SPAG6: variants seen among roughly 807,000 people sequenced by gnomAD.
The protein encoded by SPAG6 is sperm associated antigen 6.
Under a neutral mutation model 58.5 loss-of-function variants are expected in SPAG6, and 49 were observed. That is an observed-to-expected ratio of 0.84 (90% confidence interval 0.67 to 1.06). The LOEUF (loss-of-function observed/expected upper bound fraction) is 1.06, where lower values mean the gene tolerates loss of function less well. Ranked by LOEUF, SPAG6 falls within the 50% of genes least tolerant of loss-of-function variation. The pLI is 0.00. For synonymous variants in SPAG6, 233 were observed against 225.6 expected, an observed-to-expected ratio of 1.03 and a Z score of -0.29; for missense variants, 560 against 611.3, an observed-to-expected ratio of 0.92 and a Z score of 0.89.
rs1834534974 is a variant in SPAG6, at chr10:22,405,688, A to T, written c.1314+4411A>T. On this transcript the variant is annotated intron_variant, in intron 9 of 10. Transcript: ENST00000376624. ...GGGAGGATTCCCTCTTTTTCTATTGATTGGAATAGTTTCAGAAGGAATGGT... is the reference window on the plus strand; with the variant it reads ...GGGAGGATTCCCTCTTTTTCTATTGTTTGGAATAGTTTCAGAAGGAATGGT... Among the ~76,000 whole-genome samples the T allele has an allele frequency of 2.0e-5, 3 of 151,740 alleles. No homozygotes were observed. In the South Asian group the frequency reaches 6.2e-4, roughly 32 times the overall value.
At position 22,368,672 on chromosome 10, in the gene SPAG6, A is replaced by G; in HGVS notation, c.466A>G (p.Asn156Asp). Reference protein sequence around the residue: ...AWALRYIARHNAELSQAVVDA... With the variant: ...AWALRYIARHDAELSQAVVDA... ...GGCACTTAGATATATTGCAAGACAT[A>G]ATGCAGGTAATTTAAAATATGCAGG... is the stretch of plus-strand genomic sequence containing the variant. The change falls in exon 4 of 11, where the codon AAT becomes GAT. Residue 156 changes from asparagine (N) to aspartate (D), a missense_variant. Physicochemically the swap from Asn to Asp is conservative, Grantham distance 23. Coordinates refer to ENST00000376624, the MANE Select transcript of SPAG6 (RefSeq NM_012443.4). 1 of 1,607,890 alleles carries G rather than the reference A, an allele frequency of 6.2e-7. No individual in the cohort carries two copies. The highest frequency in any genetic ancestry group is 1.1e-5 in the South Asian group (1 of 90,210).
At chr10:22,360,708 G>A in intron 2 of SPAG6, 4 of 775,372 alleles carry the variant, frequency 5.2e-6, no homozygotes, top group Non-Finnish European at 8.1e-6. Flanking sequence ...CATAGTATAT[G>A]TTGGGTCCTT....
chr10:22,362,634 G>A (rs566066234), intron 2 of SPAG6, among the ~76,000 whole-genome samples: 78 of 152,070 alleles, frequency 5.1e-4, no homozygotes, highest in Non-Finnish European at 1.0e-3. Context: ...GTGAGGCTGA[G>A]TGGGAGGATT....
chr10:22,404,271 C>G, intron 9 of SPAG6, among the ~76,000 whole-genome samples: 1 of 92,896 alleles, frequency 1.1e-5, no homozygotes, highest in Non-Finnish European at 2.2e-5. Context: ...GGTTTTAGGT[C>G]TAATGTTTAA....
In SPAG6 at chr10:22,345,852, G is replaced by T; in HGVS notation, c.121+34G>T. The T allele has an allele frequency of 6.3e-7, 1 of 1,599,068 alleles. No individual in the cohort carries two copies. Among genetic ancestry groups the T allele is most frequent in the Non-Finnish European group, 8.5e-7 (1 of 1,173,122 alleles). The stretch of plus-strand genomic sequence containing the variant: ...GGAGCCCGAACCCCCGTCGCCCCCC[G>T]CGCACTGAGTCCCCGACGCCTCCGC... On this transcript the variant is annotated intron_variant, in intron 2 of 10. Transcript: ENST00000376624. This position sits in a 1 kb window ranked among gnomAD's most constrained non-coding sequence, Gnocchi z 6.3.
intron 9 of SPAG6, among the ~76,000 whole-genome samples, chr10:22,402,659 C>A (rs1564378769): frequency 1.3e-5 from 2 of 152,164 alleles, no homozygotes; most frequent in African/African-American, 4.8e-5. Flanking sequence ...ATAAACTGCC[C>A]CTCTTAGTTA....
intron 2 of SPAG6, among the ~76,000 whole-genome samples, chr10:22,354,667 C>G (rs987490531): frequency 1.3e-5 from 2 of 152,178 alleles, no homozygotes; most frequent in Non-Finnish European, 2.9e-5. Flanking sequence ...GTTCTACATT[C>G]TCACTCAGTT....
intron 5 of SPAG6, 33 bp downstream of exon 5, chr10:22,386,992 C>G: frequency 6.6e-7 from 1 of 1,520,744 alleles, no homozygotes; most frequent in Non-Finnish European, 9.1e-7. Flanking sequence ...AATACATCAG[C>G]CTTCTTATAA....
chr10:22,367,858 A>G (rs1837240805), intron 3 of SPAG6, among the ~76,000 whole-genome samples: 1 of 152,238 alleles, frequency 6.6e-6, no homozygotes, highest in African/African-American at 2.4e-5. Context: ...TATCTTAAAA[A>G]AAAAGCATTT....
Position 22,416,700 on chromosome 10 carries a change from T to C in SPAG6, c.*12T>C, listed in dbSNP as rs768910462. On this transcript the variant is annotated 3_prime_UTR_variant, in exon 11 of 11. Coordinates refer to ENST00000376624, the MANE Select transcript of SPAG6 (RefSeq NM_012443.4). Reference sequence around the variant, plus strand: ...CACTTAATAACTGAGCAAAGTTATATTGTGATACTCAAATTCACAGCAGAG... The same window carrying C: ...CACTTAATAACTGAGCAAAGTTATACTGTGATACTCAAATTCACAGCAGAG... 6 of 1,536,214 alleles carry C rather than the reference T, an allele frequency of 3.9e-6. No homozygotes were observed. The South Asian group carries it at 6.7e-5, about 17-fold the overall frequency.
chr10:22,412,099 T>A (rs1397787537), intron 10 of SPAG6, among the ~76,000 whole-genome samples: 1 of 152,164 alleles, frequency 6.6e-6, no homozygotes, highest in Admixed American at 6.5e-5. Flanking sequence ...TCCGCCCGCC[T>A]AGGCCTCCCA....
At chr10:22,387,067 T>A in intron 5 of SPAG6, 108 bp downstream of exon 5, 1 of 783,230 alleles carries the variant, frequency 1.3e-6, no homozygotes, top group African/African-American at 1.7e-5. Context: ...CAAATTATCA[T>A]TGAAAACAGA....
At chr10:22,354,644 G>T (rs1407662314) in intron 2 of SPAG6, among the ~76,000 whole-genome samples, 3 of 152,070 alleles carry the variant, frequency 2.0e-5, no homozygotes, top group Non-Finnish European at 2.9e-5. Flanking sequence ...ATCCAACTTC[G>T]CATAGCTTTC....
intron 8 of SPAG6, 34 bp from the exon 9 acceptor site, chr10:22,401,127 T>C: frequency 1.1e-6 from 1 of 944,340 alleles, no homozygotes; most frequent in Non-Finnish European, 1.7e-6. Flanking sequence ...CATTGATTAC[T>C]TACTTATGTA....
chr10:22,384,849 T>G (rs1200148518), intron 4 of SPAG6, among the ~76,000 whole-genome samples: 1 of 152,204 alleles, frequency 6.6e-6, no homozygotes, highest in Non-Finnish European at 1.5e-5. Flanking sequence ...ACTCAAGAAT[T>G]ACTCAAGGAA....
intron 2 of SPAG6, chr10:22,346,179 A>G (rs1405004168): frequency 1.8e-6 from 2 of 1,095,472 alleles, no homozygotes; most frequent in Non-Finnish European, 2.4e-6. Context: ...ATCACCTTCG[A>G]CTTCCTCACA....
Position 22,364,859 on chromosome 10 carries a change from T to A in SPAG6, c.128T>A (p.Met43Lys). The part of the protein sequence containing the change: ...NIETLQNAGV[M>K]SLLRTLLLDV... ...CTTTCATAATTTAACTCAGGTGTAA[T>A]GTCTTTGCTGAGAACTCTTCTTCTG... Residue 43 changes from methionine to lysine, a missense_variant, in exon 3 of 11, where the codon ATG (methionine) becomes AAG (lysine). Coordinates refer to ENST00000376624, the MANE Select transcript of SPAG6 (RefSeq NM_012443.4). The A allele has an allele frequency of 6.2e-7, 1 of 1,601,264 alleles. No individual in the cohort carries two copies. The highest frequency in any genetic ancestry group is 8.5e-7 in the Non-Finnish European group (1 of 1,176,016).
intron 8 of SPAG6, among the ~76,000 whole-genome samples, chr10:22,397,318 C>G (rs1312249393): frequency 7.9e-5 from 12 of 152,068 alleles, no homozygotes; most frequent in Admixed American, 7.9e-4. Flanking sequence ...TTTTTTGAGA[C>G]AGGGTCTCAC....
chr10:22,361,633 T>C (rs1837041272), intron 2 of SPAG6, among the ~76,000 whole-genome samples: 1 of 152,132 alleles, frequency 6.6e-6, no homozygotes, highest in South Asian at 2.1e-4. Context: ...AAGGCAGAGA[T>C]TGCAGTGAGC....
Sources: gnomAD v4.1 joint callset for allele counts (sites outside exome capture counted in the v4.1 genomes callset) on GRCh38, gnomAD v4.1.1 for gene constraint, Gnocchi (gnomAD v3.1) non-coding constraint, MANE v1.5 for transcripts, NCBI Gene and HGNC (gene_info 2026-07-23, HGNC 2026-07-21) for gene names.